Variants in B4GALNT3 observed in about 807,000 individuals in gnomAD.
The protein encoded by B4GALNT3 is beta-1,4-N-acetyl-galactosaminyltransferase 3, also known as beta-1,4-N-acetylgalactosaminyltransferase 3.
B4GALNT3 carries 86 observed loss-of-function variants against 120.2 expected under a neutral mutation model. The ratio of observed to expected loss-of-function variants is 0.72; its 90% CI spans 0.60 to 0.86. B4GALNT3 has a LOEUF of 0.86. Ranked by LOEUF, B4GALNT3 falls within the 40% of genes least tolerant of loss-of-function variation. B4GALNT3 has a pLI of 0.00. For missense variants in B4GALNT3, 1,167 were observed against 1,298.9 expected (o/e 0.90, Z 1.56); for synonymous variants, 518 against 510.4 (o/e 1.01, Z -0.20).
intron 19 of B4GALNT3, 90 bp from the exon 20 acceptor site, chr12:561,253 G>T: frequency 2.1e-6 from 2 of 936,064 alleles, no homozygotes; most frequent in African/African-American, 1.6e-5. Flanking sequence ...GCCCCGTGGG[G>T]AGCGAACAGA....
At chr12:514,598 C>T (rs1211914368) in intron 1 of B4GALNT3, among the ~76,000 whole-genome samples, 1 of 152,020 alleles carries the variant, frequency 6.6e-6, no homozygotes, top group Admixed American at 6.6e-5. Context: ...GGTGGGGAGG[C>T]AGAGAAGGAG....
chr12:545,118 C>A, intron 5 of B4GALNT3, 146 bp downstream of exon 5: 1 of 1,450,878 alleles, frequency 6.9e-7, no homozygotes, highest in Non-Finnish European at 9.1e-7. Flanking sequence ...AGTCATATTG[C>A]GGTCTTGTCC....
chr12:543,130 A>G (rs771667435), intron 3 of B4GALNT3: 1 of 1,289,124 alleles, frequency 7.8e-7, no homozygotes, highest in South Asian at 1.2e-5. Context: ...GTCCAGGGAG[A>G]GTATGTGTGT....
At chr12:480,469 A>C (rs1436805300) in intron 1 of B4GALNT3, among the ~76,000 whole-genome samples, 2 of 152,132 alleles carry the variant, frequency 1.3e-5, no homozygotes, top group Non-Finnish European at 2.9e-5. Flanking sequence ...GACATTACGG[A>C]AGGCTTGACG....
chr12:461,702 G>C (rs553406845), intron 1 of B4GALNT3, among the ~76,000 whole-genome samples: 2 of 152,302 alleles, frequency 1.3e-5, no homozygotes, highest in East Asian at 3.9e-4. Context: ...AGAGTTGGGT[G>C]TGGTGCTGTG....
In B4GALNT3 at chr12:559,764, G is replaced by A. The variant is rs141406088; in HGVS notation, c.2888+343G>A. ...GGAGAGACTGCATCCTCCCCAGCCC[G>A]AGGGTAGTGCGCCTCCCGTCAGCTG... On this transcript the variant is annotated intron_variant, in intron 19 of 19. Transcript: ENST00000266383. Among the ~76,000 whole-genome samples, 984 of 152,236 alleles carry A rather than the reference G, an allele frequency of 6.5e-3. 9 individuals are homozygous for A. Among genetic ancestry groups the A allele is most frequent in the South Asian group, 0.025 (121 of 4,822 alleles).
chr12:513,081 ACCTTCCACCTTCCG>A (rs1296046842), intron 1 of B4GALNT3, among the ~76,000 whole-genome samples: 4 of 106,560 alleles, frequency 3.8e-5, no homozygotes, highest in Non-Finnish European at 5.6e-5. Context: ...TTGACCTTTC[ACCTTCCACCTTCCG>A]CCTTCCACCT....
intron 1 of B4GALNT3, among the ~76,000 whole-genome samples, chr12:511,609 G>GACCTTCCACCTTCC (rs1946562948): frequency 2.4e-4 from 9 of 37,852 alleles, no homozygotes; most frequent in Admixed American, 3.7e-4. Flanking sequence ...TTCCACCTTC[G>GACCTTCCACCTTCC]ACCTTCTTCC....
At chr12:510,004 C>T (rs533377404) in intron 1 of B4GALNT3, among the ~76,000 whole-genome samples, 1 of 152,326 alleles carries the variant, frequency 6.6e-6, no homozygotes, top group South Asian at 2.1e-4. Context: ...ACCTTTGTTC[C>T]CTTCCATGGC....
At chr12:557,581 C>G (rs1947172871) in intron 15 of B4GALNT3, 27 bp from the exon 16 acceptor site, 1 of 1,593,308 alleles carries the variant, frequency 6.3e-7, no homozygotes, top group Non-Finnish European at 8.5e-7. Context: ...TCTGTGTTTC[C>G]TTCTCCTGCC....
chr12:502,240 C>T (rs1008209323), intron 1 of B4GALNT3, among the ~76,000 whole-genome samples: 1 of 152,194 alleles, frequency 6.6e-6, no homozygotes, highest in African/African-American at 2.4e-5. Context: ...ACCCAGTTGG[C>T]TGACCTTGTG....
intron 1 of B4GALNT3, among the ~76,000 whole-genome samples, chr12:465,267 A>G (rs1263004543): frequency 6.6e-6 from 1 of 152,116 alleles, no homozygotes; most frequent in Non-Finnish European, 1.5e-5. Context: ...TCACCAGGCT[A>G]CTATGTGTGT....
chr12:552,347 G>A, intron 12 of B4GALNT3, 120 bp from the exon 13 acceptor site: 1 of 1,002,088 alleles, frequency 1.0e-6, no homozygotes, highest in Non-Finnish European at 1.5e-6. Context: ...CCGCTCACCA[G>A]CCTCCTTCCT....
intron 1 of B4GALNT3, among the ~76,000 whole-genome samples, chr12:508,410 C>T (rs568439352): frequency 6.6e-6 from 1 of 152,250 alleles, no homozygotes; most frequent in East Asian, 1.9e-4. Flanking sequence ...CTCTTGAGTG[C>T]CTGGGACTAC....
intron 1 of B4GALNT3, among the ~76,000 whole-genome samples, chr12:530,448 C>A (rs964869620): frequency 2.0e-5 from 3 of 152,226 alleles, no homozygotes; most frequent in Admixed American, 1.3e-4. Flanking sequence ...CCAGCCTGGG[C>A]AGCGAGAGAC....
intron 9 of B4GALNT3, 137 bp from the exon 10 acceptor site, chr12:549,632 G>A (rs1947052420): frequency 9.0e-7 from 1 of 1,109,126 alleles, no homozygotes; most frequent in African/African-American, 1.6e-5. Flanking sequence ...GCCAGAGGGA[G>A]TGTGGCTGCG....
intron 1 of B4GALNT3, among the ~76,000 whole-genome samples, chr12:520,972 A>G (rs188042777): frequency 4.5e-4 from 69 of 152,298 alleles, no homozygotes; most frequent in African/African-American, 1.5e-3. Context: ...AAGTTTCTTA[A>G]GTATTGTAAA....
intron 1 of B4GALNT3, among the ~76,000 whole-genome samples, chr12:485,400 T>C (rs1946282068): frequency 6.6e-6 from 1 of 152,216 alleles, no homozygotes; most frequent in South Asian, 2.1e-4. Flanking sequence ...ACCACACAAA[T>C]ACATTTTCTA....
Position 561,722 on chromosome 12 carries a change from A to G in B4GALNT3, c.*271A>G. On this transcript the variant is annotated 3_prime_UTR_variant, in exon 20 of 20. Coordinates refer to ENST00000266383, the MANE Select transcript of B4GALNT3 (RefSeq NM_173593.4). ...TCGAGAACGGGAAGAGCTCCTGAGA[A>G]GGACGGGTCAGGAAGGAGAGATCTG... The G allele has an allele frequency of 2.3e-6, 1 of 428,078 alleles. No individual in the cohort carries two copies. The highest frequency in any genetic ancestry group is 4.3e-6 in the Non-Finnish European group (1 of 235,086). 26.5% of individuals were successfully genotyped at this position (428,078 alleles called of 1,614,324 possible). A position where few individuals can be genotyped will look rare whatever the true frequency, so the allele number is the denominator to read the frequency against.
Sources: gnomAD v4.1 joint callset for allele counts (sites outside exome capture counted in the v4.1 genomes callset) on GRCh38, gnomAD v4.1.1 for gene constraint, MANE v1.5 for transcripts, NCBI Gene and HGNC (gene_info 2026-07-23, HGNC 2026-07-21) for gene names.